LRFN2: variants seen among roughly 807,000 people sequenced by gnomAD.
LRFN2 encodes the protein leucine-rich repeat and fibronectin type-III domain-containing protein 2.
LRFN2 carries 18 observed loss-of-function variants against 37.3 expected under a neutral mutation model. The ratio of observed to expected loss-of-function variants is 0.48; its 90% CI spans 0.33 to 0.72. The LOEUF (loss-of-function observed/expected upper bound fraction) is 0.72, where lower values mean the gene tolerates loss of function less well. LRFN2 is among the 30% of genes least tolerant of loss of function. The pLI is 0.02. For missense variants in LRFN2, 1,006 were observed against 1,060.7 expected (o/e 0.95, Z 0.72); for synonymous variants, 556 against 466.6 (o/e 1.19, Z -2.47).
intron 1 of LRFN2, among the ~76,000 whole-genome samples, chr6:40,504,179 G>C (rs963492742): frequency 1.3e-5 from 2 of 152,194 alleles, no homozygotes; most frequent in Non-Finnish European, 2.9e-5. Flanking sequence ...TTGCCCATAA[G>C]AGACCAGTAA....
chr6:40,406,709 G>A (rs1369453184), intron 2 of LRFN2, among the ~76,000 whole-genome samples: 1 of 152,182 alleles, frequency 6.6e-6, no homozygotes, highest in Non-Finnish European at 1.5e-5. Context: ...CCAGCCCAAT[G>A]CAACCCCACA....
chr6:40,585,838 C>CACACACACACGCGT, intron 1 of LRFN2, among the ~76,000 whole-genome samples: 1 of 149,614 alleles, frequency 6.7e-6, no homozygotes. Context: ...CACATGCGTA[C>CACACACACACGCGT]ACACACACAC....
intron 1 of LRFN2, among the ~76,000 whole-genome samples, chr6:40,448,112 C>A (rs541126956): frequency 2.0e-5 from 3 of 152,314 alleles, no homozygotes; most frequent in African/African-American, 7.2e-5. Flanking sequence ...GTGGGTCCTC[C>A]TGAGCAGTGT....
intron 1 of LRFN2, among the ~76,000 whole-genome samples, chr6:40,512,680 G>T (rs970111399): frequency 6.6e-6 from 1 of 152,136 alleles, no homozygotes; most frequent in Non-Finnish European, 1.5e-5. Flanking sequence ...CCTCCTGGGG[G>T]CCCACCACAA....
chr6:40,461,305 G>A (rs1764343110), intron 1 of LRFN2, among the ~76,000 whole-genome samples: 1 of 152,102 alleles, frequency 6.6e-6, no homozygotes, highest in Non-Finnish European at 1.5e-5. Flanking sequence ...CTACTATGGA[G>A]GCTGAAGTGG....
At chr6:40,447,216 T>C (rs1763993383) in intron 1 of LRFN2, among the ~76,000 whole-genome samples, 1 of 152,260 alleles carries the variant, frequency 6.6e-6, no homozygotes, top group South Asian at 2.1e-4. Context: ...GTATTTCTAC[T>C]TTTTCTATCA....
intron 1 of LRFN2, among the ~76,000 whole-genome samples, chr6:40,567,224 C>A (rs1307842381): frequency 6.6e-6 from 1 of 152,186 alleles, no homozygotes; most frequent in Non-Finnish European, 1.5e-5. Flanking sequence ...AGGAAAGGAA[C>A]AGTCTCCTGC....
intron 1 of LRFN2, among the ~76,000 whole-genome samples, chr6:40,504,779 G>A (rs189272294): frequency 7.4e-4 from 113 of 152,186 alleles, no homozygotes; most frequent in Middle Eastern, 6.8e-3. Context: ...AAGCTCTTTC[G>A]TATACAGAAT....
intron 1 of LRFN2, among the ~76,000 whole-genome samples, chr6:40,575,458 G>C (rs1367569022): frequency 6.6e-6 from 1 of 152,144 alleles, no homozygotes. Flanking sequence ...CACCCAGCCA[G>C]GGCTCCCACC....
chr6:40,543,055 C>A (rs574613775), intron 1 of LRFN2, among the ~76,000 whole-genome samples: 1 of 152,348 alleles, frequency 6.6e-6, no homozygotes, highest in South Asian at 2.1e-4. Context: ...AGTGACTGGG[C>A]CTGATGACTT....
At chr6:40,420,917 C>T (rs1763213849) in intron 2 of LRFN2, among the ~76,000 whole-genome samples, 3 of 152,188 alleles carry the variant, frequency 2.0e-5, no homozygotes, top group South Asian at 2.1e-4. Flanking sequence ...AGCAAGTTAC[C>T]ACTGTGGGCA....
chr6:40,396,515 T>A (rs1311697314), intron 2 of LRFN2, among the ~76,000 whole-genome samples: 1 of 152,048 alleles, frequency 6.6e-6, no homozygotes. Flanking sequence ...GTGCTGCTGA[T>A]GGAGGTGTAA....
rs571759114 is a variant in LRFN2 at position 40,555,054 on chromosome 6, T to A, written c.-19+31887A>T. Among the ~76,000 whole-genome samples, 705 of 152,368 alleles carry A rather than the reference T, an allele frequency of 4.6e-3. 1 individual carries two copies. The highest frequency in any genetic ancestry group is 8.9e-3 in the South Asian group (43 of 4,830). ...TCTGTCCTCTTTACAATTGGTTAAA[T>A]AATTTCCCCTGAGTCTGACCTCTTT... On this transcript the variant is annotated intron_variant, in intron 1 of 2. Transcript: ENST00000338305.
At chr6:40,453,598 C>A (rs3943783) in intron 1 of LRFN2, among the ~76,000 whole-genome samples, 126,929 of 151,242 alleles carry the variant, frequency 0.84, 53,524 homozygotes, top group Middle Eastern at 0.9. Flanking sequence ...CCTCTCTTTG[C>A]GTTGACTTTG....
intron 1 of LRFN2, among the ~76,000 whole-genome samples, chr6:40,461,588 CA>C (rs11305426): frequency 0.29 from 37,589 of 129,464 alleles, 5,412 homozygotes; most frequent in Middle Eastern, 0.45. Context: ...CTCCCCCCGA[CA>C]AAAAAAAAAA....
intron 1 of LRFN2, among the ~76,000 whole-genome samples, chr6:40,540,902 C>T (rs1766543241): frequency 6.6e-6 from 1 of 152,134 alleles, no homozygotes; most frequent in African/African-American, 2.4e-5. Context: ...CTCTCAGGGC[C>T]AGAAGCGGTC....
At chr6:40,443,181 C>T (rs1763883952) in intron 1 of LRFN2, among the ~76,000 whole-genome samples, 1 of 152,152 alleles carries the variant, frequency 6.6e-6, no homozygotes, top group South Asian at 2.1e-4. Flanking sequence ...CTATCCTTGG[C>T]TTTGGGACAG....
intron 1 of LRFN2, among the ~76,000 whole-genome samples, chr6:40,492,407 C>T (rs9357331): frequency 0.014 from 2,144 of 152,306 alleles, 34 homozygotes; most frequent in East Asian, 0.061. Context: ...CTCTCTGGCA[C>T]TGAGCTGGAA....
At chr6:40,518,733 G>A (rs938754337) in intron 1 of LRFN2, among the ~76,000 whole-genome samples, 2 of 152,160 alleles carry the variant, frequency 1.3e-5, no homozygotes, top group Non-Finnish European at 2.9e-5. Context: ...CACATATTGA[G>A]TGCCTACTGT....
Sources: gnomAD v4.1 joint callset for allele counts (sites outside exome capture counted in the v4.1 genomes callset) on GRCh38, gnomAD v4.1.1 for gene constraint, MANE v1.5 for transcripts, NCBI Gene and HGNC (gene_info 2026-07-23, HGNC 2026-07-21) for gene names.